Variants in DNAJC13 observed in about 807,000 individuals in gnomAD.
The protein encoded by DNAJC13 is DnaJ heat shock protein family (Hsp40) member C13, also known as dnaJ homolog subfamily C member 13.
Under a neutral mutation model 290.5 loss-of-function variants are expected in DNAJC13, and 75 were observed. The observed-to-expected ratio is 0.26, with a 90% CI of 0.21 to 0.31. The LOEUF is 0.31. DNAJC13 is among the 10% of genes least tolerant of loss of function. The probability of loss-of-function intolerance (pLI) is 1.00; values close to 1 mark genes in which losing one functional copy is unlikely to be tolerated. For synonymous variants in DNAJC13, 862 were observed against 892.0 expected, an observed-to-expected ratio of 0.97 and a Z score of 0.60; for missense variants, 2,260 against 2,674.5, an observed-to-expected ratio of 0.85 and a Z score of 3.42.
chr3:132,461,004 G>A (rs370762196), intron 14 of DNAJC13, 46 bp from the exon 15 acceptor site: 3 of 1,560,028 alleles, frequency 1.9e-6, no homozygotes, highest in East Asian at 2.3e-5. Context: ...TTAACTGAAG[G>A]TCCCCATCTC....
intron 2 of DNAJC13, among the ~76,000 whole-genome samples, chr3:132,437,848 C>G (rs1371305894): frequency 6.6e-6 from 1 of 151,820 alleles, no homozygotes; most frequent in African/African-American, 2.4e-5. Flanking sequence ...TAAAAGACAG[C>G]TGCCCGGCCT....
At chr3:132,481,342 C>CT (rs1263504137) in intron 26 of DNAJC13, among the ~76,000 whole-genome samples, 1 of 152,164 alleles carries the variant, frequency 6.6e-6, no homozygotes, top group Non-Finnish European at 1.5e-5. Context: ...AATCCCAGCA[C>CT]TTTGGGGGGC....
chr3:132,516,929 T>G lies in DNAJC13; in HGVS notation c.5673+113T>G, dbSNP rs564659243. ...AGATGGTGAGGATAAGGAAATGAGG[T>G]GATGTGAAAGTTGGAAAATTCACAT... On this transcript the variant is annotated intron_variant, in intron 48 of 55. Coordinates refer to ENST00000260818, the MANE Select transcript of DNAJC13 (RefSeq NM_015268.4). The G allele has an allele frequency of 5.3e-6, 5 of 935,870 alleles. No individual in the cohort carries two copies. In the African/African-American group the frequency reaches 6.7e-5, roughly 13 times the overall value. 58.0% of individuals were successfully genotyped at this position (935,870 alleles called of 1,614,324 possible). A position where few individuals can be genotyped will look rare whatever the true frequency, so the allele number is the denominator to read the frequency against.
In DNAJC13 at chr3:132,538,486, G is replaced by A. The variant is rs1162912187; in HGVS notation, c.*204G>A. The A allele has an allele frequency of 1.4e-5, 6 of 441,268 alleles. No individual in the cohort carries two copies. Among genetic ancestry groups the A allele is most frequent in the African/African-American group, 2.0e-5 (1 of 49,258 alleles). The allele number at this position is 441,268 out of a possible 1,614,324, so 27.3% of individuals were successfully genotyped here. ...GAAAGCACTCTGTGGATCAACATAA[G>A]TGGGTACACAAGAATTTTTTTTTTC... On this transcript the variant is annotated 3_prime_UTR_variant, in exon 56 of 56. Coordinates refer to ENST00000260818, the MANE Select transcript of DNAJC13 (RefSeq NM_015268.4).
intron 43 of DNAJC13, 120 bp downstream of exon 43, chr3:132,507,473 C>CTT (rs55927833): frequency 1.6e-3 from 872 of 530,836 alleles, no homozygotes; most frequent in East Asian, 0.01. Flanking sequence ...TACTGTGCTG[C>CTT]TTTTTTTTTT....
intron 55 of DNAJC13, among the ~76,000 whole-genome samples, chr3:132,535,023 A>G (rs756953318): frequency 6.6e-6 from 1 of 152,260 alleles, no homozygotes; most frequent in Non-Finnish European, 1.5e-5. Context: ...CCCAAACTTC[A>G]GAAGATACAG....
intron 52 of DNAJC13, 143 bp downstream of exon 52, chr3:132,525,932 TC>T: frequency 8.3e-7 from 1 of 1,198,792 alleles, no homozygotes; most frequent in Non-Finnish European, 1.1e-6. Flanking sequence ...TTTTATTAGT[TC>T]TGGGTTTATC....
chr3:132,419,577 A>G (rs894259567), intron 1 of DNAJC13, among the ~76,000 whole-genome samples: 1 of 152,216 alleles, frequency 6.6e-6, no homozygotes, highest in African/African-American at 2.4e-5. Context: ...AATTGAAAAG[A>G]TGTGTTTTAA....
Position 132,453,490 on chromosome 3 carries a change from T to A in DNAJC13, c.730T>A (p.Ser244Thr). 6.2e-7 allele frequency: 1 copy of A among 1,613,880 alleles called. No homozygotes were observed. The highest frequency in any genetic ancestry group is 8.5e-7 in the Non-Finnish European group (1 of 1,179,880). ...SLAEFVVQKI[S>T]PRHSEPVKRV... The stretch of plus-strand genomic sequence containing the variant: ...AGCAGAGTTTGTAGTCCAAAAAATA[T>A]CACCTAGACATTCGGTAAGACCCAT... Residue 244 changes from serine to threonine, a missense_variant, in exon 7 of 56, where the codon TCA becomes ACA. This residue lies in a region of DNAJC13 where 762 missense variants were observed against 964.1 expected (regional missense o/e 0.79). Coordinates refer to ENST00000260818, the MANE Select transcript of DNAJC13 (RefSeq NM_015268.4).
intron 39 of DNAJC13, 100 bp from the exon 40 acceptor site, chr3:132,502,189 G>T: frequency 1.0e-6 from 1 of 976,338 alleles, no homozygotes; most frequent in Non-Finnish European, 1.5e-6. Flanking sequence ...ACAAAATAAC[G>T]TGGTTGGCTT....
chr3:132,503,436 C>G (rs752658055), intron 41 of DNAJC13, 55 bp downstream of exon 41: 7 of 1,588,750 alleles, frequency 4.4e-6, no homozygotes, highest in Non-Finnish European at 6.0e-6. Context: ...ATCCTTTAAG[C>G]AGTAAAGTAG....
At chr3:132,480,291 T>C (rs538599413) in intron 25 of DNAJC13, 78 bp from the exon 26 acceptor site, 3 of 884,728 alleles carry the variant, frequency 3.4e-6, no homozygotes, top group East Asian at 2.6e-5. Flanking sequence ...GTAGTACCTA[T>C]TGGGAAAGGT....
chr3:132,535,941 A>AATTG (rs1936577593), intron 55 of DNAJC13, among the ~76,000 whole-genome samples: 1 of 152,102 alleles, frequency 6.6e-6, no homozygotes, highest in South Asian at 2.1e-4. Context: ...ACTATCCGGG[A>AATTG]ATTGATTTTG....
intron 20 of DNAJC13, among the ~76,000 whole-genome samples, chr3:132,470,656 G>C (rs1197436422): frequency 8.1e-6 from 1 of 123,588 alleles, no homozygotes; most frequent in Non-Finnish European, 1.8e-5. Context: ...GCGGCTGGCC[G>C]GGCGGGGGGC....
At chr3:132,478,264 C>G in intron 24 of DNAJC13, 124 bp downstream of exon 24, 1 of 817,032 alleles carries the variant, frequency 1.2e-6, no homozygotes, top group South Asian at 2.5e-5. Context: ...ATTCATTTTT[C>G]TGTAATTTAT....
chr3:132,518,392 C>G (rs1397375715), intron 48 of DNAJC13, among the ~76,000 whole-genome samples: 1 of 152,182 alleles, frequency 6.6e-6, no homozygotes, highest in Non-Finnish European at 1.5e-5. Context: ...GGCTCTGTTG[C>G]CCAGGCTGAA....
chr3:132,481,614 G>C (rs1934675375), intron 26 of DNAJC13, among the ~76,000 whole-genome samples: 1 of 152,156 alleles, frequency 6.6e-6, no homozygotes, highest in South Asian at 2.1e-4. Flanking sequence ...ACCATGTTGT[G>C]ATAAAATAAC....
intron 12 of DNAJC13, 68 bp downstream of exon 12, chr3:132,456,900 C>T (rs565627231): frequency 7.3e-6 from 11 of 1,507,100 alleles, no homozygotes; most frequent in East Asian, 4.5e-5. Flanking sequence ...AAATAATGAA[C>T]GATTCACCTC....
chr3:132,496,956 G>A (rs1302034060), intron 36 of DNAJC13, among the ~76,000 whole-genome samples: 1 of 152,100 alleles, frequency 6.6e-6, no homozygotes. Flanking sequence ...TAGTAGCAAC[G>A]TGTTAAATGA....
Sources: gnomAD v4.1 joint callset for allele counts (sites outside exome capture counted in the v4.1 genomes callset) on GRCh38, gnomAD v4.1.1 for gene constraint, gnomAD v4.1.1 regional missense constraint, MANE v1.5 for transcripts, NCBI Gene and HGNC (gene_info 2026-07-23, HGNC 2026-07-21) for gene names.